The following GRAMD4 variants were observed in gnomAD, a reference collection of about 807,000 sequenced individuals.
GRAMD4 encodes GRAM domain containing 4.
In GRAMD4, 25 loss-of-function variants were observed where a neutral mutation model predicts 83.9. That is an observed-to-expected ratio of 0.30 (90% CI 0.22 to 0.42). The LOEUF is 0.42. GRAMD4 is among the 10% of genes least tolerant of loss of function. The pLI is 1.00. For synonymous variants in GRAMD4, 336 were observed against 320.9 expected (o/e 1.05, Z -0.50); for missense variants, 593 against 788.7 (o/e 0.75, Z 2.97).
At chr22:46,616,923 CGTATAGGTTCCCCT>C (rs1569263354), upstream of GRAMD4, among the ~76,000 whole-genome samples, 1 of 3,728 alleles carries the variant, frequency 2.7e-4, no homozygotes, top group African/African-American at 7.9e-4. Flanking sequence ...TTCCCCTGTG[CGTATAGGTTCCCCT>C]GTGCGTGTAG....
intron 17 of GRAMD4, among the ~76,000 whole-genome samples, chr22:46,675,782 G>A (rs899626806): frequency 3.3e-5 from 5 of 152,298 alleles, no homozygotes; most frequent in Admixed American, 2.6e-4. Flanking sequence ...TGGAGGGGCT[G>A]GGTTGGAGCC....
chr22:46,582,144 C>T (rs1025318218), intron 1 of GRAMD4, among the ~76,000 whole-genome samples: 1 of 152,096 alleles, frequency 6.6e-6, no homozygotes, highest in African/African-American at 2.4e-5. Context: ...TTGCAGTGGC[C>T]GAGTCACTGC....
intron 1 of GRAMD4, among the ~76,000 whole-genome samples, chr22:46,609,695 G>A (rs2081399165): frequency 6.6e-6 from 1 of 152,242 alleles, no homozygotes; most frequent in Non-Finnish European, 1.5e-5. Flanking sequence ...ATTCCGCATT[G>A]TGGAGTGCGA....
chr22:46,617,773 G>GC (rs2081523892), upstream of GRAMD4, among the ~76,000 whole-genome samples: 1 of 152,122 alleles, frequency 6.6e-6, no homozygotes, highest in South Asian at 2.1e-4. Flanking sequence ...CCGCTCCCTG[G>GC]CCCCCCTGGG....
intron 1 of GRAMD4, among the ~76,000 whole-genome samples, chr22:46,595,098 C>T (rs1049597083): frequency 6.6e-6 from 1 of 152,124 alleles, no homozygotes; most frequent in Non-Finnish European, 1.5e-5. Flanking sequence ...ATCCCAGCCC[C>T]ACATGCGGCC....
chr22:46,661,313 G>C, intron 4 of GRAMD4, 68 bp from the exon 5 acceptor site: 1 of 1,255,782 alleles, frequency 8.0e-7, no homozygotes, highest in East Asian at 2.3e-5. Context: ...GAGCCCTCGG[G>C]GGTGCCTGAC....
At chr22:46,609,978 C>T (rs1569258149) in intron 1 of GRAMD4, among the ~76,000 whole-genome samples, 1 of 152,346 alleles carries the variant, frequency 6.6e-6, no homozygotes. Context: ...GCCCTCCTTG[C>T]TGGCTCCTCT....
chr22:46,598,709 G>A (rs1158677274), intron 1 of GRAMD4, among the ~76,000 whole-genome samples: 2 of 151,176 alleles, frequency 1.3e-5, no homozygotes, highest in East Asian at 2.0e-4. Flanking sequence ...GTGCAGCTCC[G>A]AGCTCCTTGA....
chr22:46,608,407 G>T (rs1347925015), intron 1 of GRAMD4, among the ~76,000 whole-genome samples: 1 of 152,210 alleles, frequency 6.6e-6, no homozygotes, highest in Non-Finnish European at 1.5e-5. Context: ...GGCCGGGCAT[G>T]GTGGCTCACA....
At chr22:46,598,211 G>A (rs188365856) in intron 1 of GRAMD4, among the ~76,000 whole-genome samples, 1 of 151,958 alleles carries the variant, frequency 6.6e-6, no homozygotes, top group Non-Finnish European at 1.5e-5. Context: ...CAAACTCCTG[G>A]CCTCAAGTGA....
chr22:46,575,871 G>A (rs1001717147), upstream of GRAMD4: 5 of 152,328 alleles, frequency 3.3e-5, no homozygotes, highest in African/African-American at 9.6e-5. Flanking sequence ...GAGCCTTGGA[G>A]AAGTACAGCT....
chr22:46,611,783 G>A (rs2081419223), intron 1 of GRAMD4, among the ~76,000 whole-genome samples: 4 of 151,318 alleles, frequency 2.6e-5, no homozygotes, highest in Non-Finnish European at 5.9e-5. Flanking sequence ...GAGGTCAGGA[G>A]ATCGAGACCA....
Position 46,621,939 on chromosome 22 carries a change from C to T in GRAMD4, c.-50+1374C>T, listed in dbSNP as rs966799315. 6.6e-6 allele frequency among the ~76,000 whole-genome samples: 1 copy of T among 152,106 alleles called. No homozygotes were observed. The highest frequency in any genetic ancestry group is 1.5e-5 in the Non-Finnish European group (1 of 68,020). ...GAGGAGGGTGGTGGAGTCAGTGGGG[C>T]TGAGAGCAGGGTCGTCTAGGACCCT... is the stretch of plus-strand genomic sequence containing the variant. On this transcript the variant is annotated intron_variant, in intron 1 of 18. Transcript: ENST00000406902. The surrounding 1 kb of genome is among the most constrained non-coding windows in gnomAD (Gnocchi z 5.8).
Position 46,671,548 on chromosome 22 carries a change from CAG to C in GRAMD4, c.1085-1294_1085-1293del, listed in dbSNP as rs978539317. ...GCAGGCGCCTGTAGTCCCAGCTACT[CAG>C]GGGGCTGAAGCAGGAGAATGGCGTG... is the stretch of plus-strand genomic sequence containing the variant. On this transcript the variant is annotated intron_variant, in intron 13 of 18. Transcript: ENST00000406902. 5.3e-5 allele frequency among the ~76,000 whole-genome samples: 8 copies of C among 151,490 alleles called. No homozygotes were observed. In the East Asian group the frequency reaches 7.8e-4, roughly 15 times the overall value.
At chr22:46,644,162 C>A (rs980740338) in intron 3 of GRAMD4, among the ~76,000 whole-genome samples, 1 of 152,264 alleles carries the variant, frequency 6.6e-6, no homozygotes, top group Non-Finnish European at 1.5e-5. Flanking sequence ...CAGAGATAAT[C>A]CCTGTTCCAG....
rs1473039206 is a variant in GRAMD4 at position 46,622,434 on chromosome 22, T to A, written c.-50+1869T>A. On this transcript the variant is annotated intron_variant, in intron 1 of 18. Coordinates refer to ENST00000406902, the MANE Select transcript of GRAMD4 (RefSeq NM_015124.5). The surrounding 1 kb of genome is among the most constrained non-coding windows in gnomAD (Gnocchi z 4.0). ...GAAGTAGGTTTTACATTGCTACACT[T>A]CCCCTAGCCCGTTCATCCTTCCTTT... is the stretch of plus-strand genomic sequence containing the variant. Among the ~76,000 whole-genome samples the A allele has an allele frequency of 6.6e-6, 1 of 152,140 alleles. No homozygotes were observed. The highest frequency in any genetic ancestry group is 2.4e-5 in the African/African-American group (1 of 41,424).
chr22:46,679,561 T>C lies in GRAMD4; in HGVS notation c.*2310T>C, dbSNP rs932981861. ...TAATTTCTGTGACTAATCACTGAACTAGACGAATGTTAAATTTTTTATGTC... is the reference window on the plus strand; with the variant it reads ...TAATTTCTGTGACTAATCACTGAACCAGACGAATGTTAAATTTTTTATGTC... On this transcript the variant is annotated 3_prime_UTR_variant, in exon 19 of 19. Transcript: ENST00000406902. The C allele has an allele frequency of 2.0e-6, 2 of 985,142 alleles. No individual in the cohort carries two copies. The highest frequency in any genetic ancestry group is 3.5e-5 in the African/African-American group (2 of 57,244). 61.0% of individuals were successfully genotyped at this position (985,142 alleles called of 1,614,324 possible).
chr22:46,609,103 T>TA (rs59663541), intron 1 of GRAMD4, among the ~76,000 whole-genome samples: 86 of 135,020 alleles, frequency 6.4e-4, no homozygotes, highest in East Asian at 1.8e-3. Context: ...ACCTTGTCTC[T>TA]AAAAAAAAAA....
chr22:46,625,678 G>A (rs1394520921), intron 1 of GRAMD4, among the ~76,000 whole-genome samples: 2 of 152,272 alleles, frequency 1.3e-5, no homozygotes, highest in African/African-American at 4.8e-5. Flanking sequence ...TGGGGACGGG[G>A]TTTTGGGAGA....
Sources: gnomAD v4.1 joint callset for allele counts (sites outside exome capture counted in the v4.1 genomes callset) on GRCh38, gnomAD v4.1.1 for gene constraint, Gnocchi (gnomAD v3.1) non-coding constraint, MANE v1.5 for transcripts, NCBI Gene and HGNC (gene_info 2026-07-23, HGNC 2026-07-21) for gene names.